The following LDLRAD4 variants were observed in gnomAD, a reference collection of about 807,000 sequenced individuals.
LDLRAD4 encodes the protein low density lipoprotein receptor class A domain containing 4, also known as low-density lipoprotein receptor class A domain-containing protein 4.
A neutral mutation model predicts 17.0 loss-of-function variants in LDLRAD4; 5 were observed. The observed-to-expected ratio is 0.29, with a 90% CI of 0.15 to 0.62. The LOEUF is 0.62. Among genes scored for constraint, LDLRAD4 ranks in the 20% least tolerant of loss-of-function variants. The pLI is 0.84. For missense variants in LDLRAD4, 340 were observed against 424.7 expected (o/e 0.80, Z 1.75); for synonymous variants, 168 against 171.8 (o/e 0.98, Z 0.17).
intron 3 of LDLRAD4, among the ~76,000 whole-genome samples, chr18:13,595,646 G>T (rs1473411194): frequency 6.6e-6 from 1 of 152,100 alleles, no homozygotes; most frequent in African/African-American, 2.4e-5. Context: ...ACCACACCCA[G>T]CCGAATCCAT....
At chr18:13,411,150 G>A (rs1037155435) in intron 2 of LDLRAD4, among the ~76,000 whole-genome samples, 13 of 151,984 alleles carry the variant, frequency 8.6e-5, no homozygotes, top group Non-Finnish European at 1.8e-4. Flanking sequence ...TACTTGGGAA[G>A]CTGAGGTAGG....
chr18:13,499,483 G>T (rs530373473), intron 3 of LDLRAD4, among the ~76,000 whole-genome samples: 1 of 148,696 alleles, frequency 6.7e-6, no homozygotes, highest in African/African-American at 2.5e-5. Flanking sequence ...ACGTCCCGCC[G>T]TGGATACTGG....
rs1366420268 is a variant in LDLRAD4 at position 13,621,281 on chromosome 18, C to A, written c.336+10C>A. 5.6e-6 allele frequency: 9 copies of A among 1,606,524 alleles called. No individual in the cohort carries two copies. The highest frequency in any genetic ancestry group is 6.8e-6 in the Non-Finnish European group (8 of 1,176,524). On this transcript the variant is annotated intron_variant, in intron 4 of 5. Coordinates refer to ENST00000359446, the Ensembl canonical transcript of LDLRAD4. This position sits in a 1 kb window ranked among gnomAD's most constrained non-coding sequence, Gnocchi z 5.5. The stretch of plus-strand genomic sequence containing the variant: ...GGACGGGCTGCCGCAGGTGAGTACC[C>A]TGGCCGCCCCGGCTCCAGAGTCAGG...
intron 3 of LDLRAD4, among the ~76,000 whole-genome samples, chr18:13,601,238 A>G (rs2095157252): frequency 1.3e-5 from 2 of 152,230 alleles, no homozygotes; most frequent in Non-Finnish European, 2.9e-5. Context: ...AACAATGATC[A>G]TTTATCCAAA....
intron 4 of LDLRAD4, among the ~76,000 whole-genome samples, chr18:13,623,613 G>A (rs1373601779): frequency 6.6e-6 from 1 of 152,222 alleles, no homozygotes; most frequent in African/African-American, 2.4e-5. Context: ...GAGGCAGCTC[G>A]GCCCAGGCCC....
chr18:13,539,154 G>A (rs949349785), intron 3 of LDLRAD4, among the ~76,000 whole-genome samples: 3 of 152,142 alleles, frequency 2.0e-5, no homozygotes, highest in Non-Finnish European at 2.9e-5. Flanking sequence ...AGTGATAAAA[G>A]CTTGTTAGGA....
chr18:13,647,320 A>C (rs2043051022), exon 6 of LDLRAD4: 1 of 152,206 alleles, frequency 6.6e-6, no homozygotes, highest in Non-Finnish European at 1.5e-5. Flanking sequence ...TTATAAGAGC[A>C]GCAGCCAACA....
At chr18:13,459,584 T>C (rs1410565441) in intron 3 of LDLRAD4, among the ~76,000 whole-genome samples, 1 of 152,074 alleles carries the variant, frequency 6.6e-6, no homozygotes. Flanking sequence ...GGTTTCACCA[T>C]GTTGGCCAGG....
intron 1 of LDLRAD4, among the ~76,000 whole-genome samples, chr18:13,264,005 GA>G (rs2044069096): frequency 6.6e-6 from 1 of 152,156 alleles, no homozygotes; most frequent in Non-Finnish European, 1.5e-5. Flanking sequence ...AATTTTGGAT[GA>G]AACTAATATA....
intron 3 of LDLRAD4, among the ~76,000 whole-genome samples, chr18:13,571,100 A>G (rs1441884076): frequency 1.3e-5 from 2 of 152,100 alleles, no homozygotes; most frequent in South Asian, 2.1e-4. Flanking sequence ...GATTACAGGC[A>G]TGAGCCACCA....
chr18:13,506,938 G>A (rs1183671410), intron 3 of LDLRAD4, among the ~76,000 whole-genome samples: 2 of 152,168 alleles, frequency 1.3e-5, no homozygotes, highest in Non-Finnish European at 2.9e-5. Flanking sequence ...ACTCTATACA[G>A]GAGTACCTCG....
At chr18:13,251,533 T>C (rs114285425) in intron 1 of LDLRAD4, among the ~76,000 whole-genome samples, 2,146 of 152,258 alleles carry the variant, frequency 0.014, 59 homozygotes, top group African/African-American at 0.049. Context: ...AGTTGCAGGA[T>C]ACAAAATCAC....
chr18:13,264,062 T>C (rs2044072771), intron 1 of LDLRAD4, among the ~76,000 whole-genome samples: 1 of 152,184 alleles, frequency 6.6e-6, no homozygotes, highest in African/African-American at 2.4e-5. Context: ...GGGGCTATGA[T>C]GGAGCAGGGC....
intron 3 of LDLRAD4, among the ~76,000 whole-genome samples, chr18:13,601,315 G>A (rs1601639701): frequency 6.6e-6 from 1 of 152,100 alleles, no homozygotes. Context: ...CTGGGCAAAG[G>A]ACATGAACAA....
At chr18:13,385,686 T>C (rs2085745144) in intron 1 of LDLRAD4, among the ~76,000 whole-genome samples, 1 of 152,208 alleles carries the variant, frequency 6.6e-6, no homozygotes, top group Non-Finnish European at 1.5e-5. Context: ...TCTGTTTTTA[T>C]CTGGCAGGAT....
At chr18:13,550,646 G>C (rs148425993) in intron 3 of LDLRAD4, among the ~76,000 whole-genome samples, 3 of 152,332 alleles carry the variant, frequency 2.0e-5, no homozygotes, top group African/African-American at 7.2e-5. Context: ...TCCACAGTGG[G>C]TTTAGGAAAT....
At chr18:13,302,935 AC>A (rs2046689266) in intron 1 of LDLRAD4, among the ~76,000 whole-genome samples, 1 of 152,262 alleles carries the variant, frequency 6.6e-6, no homozygotes, top group African/African-American at 2.4e-5. Flanking sequence ...TTGGAGCCCG[AC>A]CTGCTGCTGA....
chr18:13,454,208 A>G (rs2091999312), intron 3 of LDLRAD4, among the ~76,000 whole-genome samples: 1 of 152,246 alleles, frequency 6.6e-6, no homozygotes. Context: ...GTTAGCAATG[A>G]TAACAGGGTG....
intron 1 of LDLRAD4, among the ~76,000 whole-genome samples, chr18:13,385,344 T>G (rs1255773177): frequency 6.6e-6 from 1 of 152,256 alleles, no homozygotes; most frequent in Non-Finnish European, 1.5e-5. Context: ...TTCTTGCTAC[T>G]GAGTTGTTTG....
Sources: allele counts gnomAD v4.1 joint callset (sites outside exome capture counted in the v4.1 genomes callset), GRCh38; gene constraint gnomAD v4.1.1; non-coding constraint Gnocchi (gnomAD v3.1); transcripts MANE v1.5; gene names NCBI Gene and HGNC (gene_info 2026-07-23, HGNC 2026-07-21).